EXOC2: variants seen among roughly 807,000 people sequenced by gnomAD.
EXOC2 encodes the protein SEC5-like 1.
In EXOC2, 70 loss-of-function variants were observed where a neutral mutation model predicts 131.8. That is an observed-to-expected ratio of 0.53 (90% CI 0.44 to 0.65). The LOEUF is 0.65. EXOC2 is among the 30% of genes least tolerant of loss of function. The pLI is 0.00. For synonymous variants in EXOC2, 411 were observed against 398.4 expected (o/e 1.03, Z -0.38); for missense variants, 923 against 1,108.6 (o/e 0.83, Z 2.38).
At chr6:688,087 T>C (rs972332375) in intron 1 of EXOC2, among the ~76,000 whole-genome samples, 1 of 152,194 alleles carries the variant, frequency 6.6e-6, no homozygotes, top group Admixed American at 6.5e-5. Context: ...GAGGAACAGT[T>C]TTTGGCAGGA....
chr6:656,096 C>T, intron 1 of EXOC2: 1 of 1,569,016 alleles, frequency 6.4e-7, no homozygotes, highest in Non-Finnish European at 8.7e-7. Flanking sequence ...AAAATCTAAG[C>T]TGGCTGAATT....
At chr6:509,388 C>CA (rs1346578311) in intron 23 of EXOC2, among the ~76,000 whole-genome samples, 1 of 152,216 alleles carries the variant, frequency 6.6e-6, no homozygotes, top group Non-Finnish European at 1.5e-5. Flanking sequence ...GCCAACCTAT[C>CA]ATGCAAAAGG....
chr6:540,803 A>T (rs1385007071), intron 22 of EXOC2, among the ~76,000 whole-genome samples: 4 of 152,236 alleles, frequency 2.6e-5, no homozygotes, highest in Admixed American at 2.0e-4. Context: ...CATCAACCAG[A>T]GCCAAGGGAA....
At chr6:594,040 C>T (rs1431578720) in intron 10 of EXOC2, among the ~76,000 whole-genome samples, 2 of 152,210 alleles carry the variant, frequency 1.3e-5, no homozygotes, top group Admixed American at 6.5e-5. Context: ...CTGCCATCTC[C>T]TCCCCCTTGT....
intron 1 of EXOC2, chr6:656,261 T>C (rs956943114): frequency 1.9e-6 from 3 of 1,614,206 alleles, no homozygotes; most frequent in Non-Finnish European, 2.5e-6. Flanking sequence ...CCACCCGCAC[T>C]TGCACCATGC....
At chr6:568,345 C>A (rs1206661890) in intron 13 of EXOC2, among the ~76,000 whole-genome samples, 3 of 152,246 alleles carry the variant, frequency 2.0e-5, no homozygotes, top group African/African-American at 7.2e-5. Flanking sequence ...CAAGCTGGGA[C>A]ACTGTGGGCT....
Position 637,771 on chromosome 6 carries a change from A to G in EXOC2, c.48T>C (p.Asn16=), listed in dbSNP as rs756790588. 7 of 1,613,878 alleles carry G rather than the reference A, an allele frequency of 4.3e-6. No individual in the cohort carries two copies. In the South Asian group the frequency reaches 6.6e-5, roughly 15 times the overall value. Residue 16 remains asparagine (N), a synonymous_variant, in exon 2 of 28, where the codon AAT becomes AAC. Coordinates refer to ENST00000230449, the MANE Select transcript of EXOC2 (RefSeq NM_018303.6). ...QPPLVTGISP[N]EGIPWTKVTI... is the part of the protein sequence containing the mutation. ...TGACCTTCGTCCATGGTATCCCTTC[A>G]TTTGGAGAGATGCCGGTCACAAGGG...
At chr6:487,170 G>A (rs954173345) in intron 27 of EXOC2, among the ~76,000 whole-genome samples, 2 of 152,146 alleles carry the variant, frequency 1.3e-5, no homozygotes, top group Admixed American at 6.5e-5. Context: ...ACGTGGCATG[G>A]CTGCACCCTT....
intron 1 of EXOC2, among the ~76,000 whole-genome samples, chr6:685,915 G>A (rs1241902983): frequency 7.8e-5 from 10 of 127,558 alleles, no homozygotes; most frequent in Middle Eastern, 5.1e-3. Context: ...TTGCTCTGTC[G>A]CCAGGTTGGA....
intron 17 of EXOC2, among the ~76,000 whole-genome samples, chr6:557,802 C>T (rs1433954961): frequency 2.6e-5 from 4 of 151,910 alleles, no homozygotes; most frequent in Non-Finnish European, 5.9e-5. Flanking sequence ...TCTCAGAGGA[C>T]GACAGTGTAC....
chr6:609,120 CTTCT>C, intron 7 of EXOC2, among the ~76,000 whole-genome samples: 1 of 152,318 alleles, frequency 6.6e-6, no homozygotes, highest in African/African-American at 2.4e-5. Context: ...CAAGAGAACA[CTTCT>C]TTCTAGAAAA....
At chr6:517,047 C>A (rs1765199029) in intron 23 of EXOC2, among the ~76,000 whole-genome samples, 1 of 152,182 alleles carries the variant, frequency 6.6e-6, no homozygotes, top group South Asian at 2.1e-4. Context: ...ATGACTGATG[C>A]TGCCACAGCC....
intron 24 of EXOC2, among the ~76,000 whole-genome samples, chr6:499,150 C>T (rs1251341972): frequency 6.6e-6 from 1 of 152,176 alleles, no homozygotes; most frequent in African/African-American, 2.4e-5. Flanking sequence ...AAGTCAACCA[C>T]GGACAGGAAA....
At position 648,959 on chromosome 6, in the gene EXOC2, C is replaced by T. The variant is rs544795791; in HGVS notation, c.-43-11098G>A. On this transcript the variant is annotated intron_variant, in intron 1 of 27. Coordinates refer to ENST00000230449, the MANE Select transcript of EXOC2 (RefSeq NM_018303.6). ...AACTCCTAGGCTCAAGCAATCTGCC[C>T]GCTTCCGCCTCCCAACGTGCTGGGA... Among the ~76,000 whole-genome samples the T allele has an allele frequency of 9.9e-5, 15 of 151,984 alleles. No homozygotes were observed. The South Asian group carries it at 3.1e-3, about 32-fold the overall frequency.
At chr6:622,387 G>A (rs1022234065) in intron 4 of EXOC2, among the ~76,000 whole-genome samples, 6 of 152,168 alleles carry the variant, frequency 3.9e-5, no homozygotes, top group African/African-American at 9.7e-5. Context: ...AAAAAGAAAC[G>A]AAAGAAGGCT....
At chr6:589,309 A>G (rs1225475044) in intron 11 of EXOC2, among the ~76,000 whole-genome samples, 1 of 149,808 alleles carries the variant, frequency 6.7e-6, no homozygotes, top group East Asian at 2.0e-4. Context: ...ATGCCGATCC[A>G]GAGAACTGAC....
intron 23 of EXOC2, among the ~76,000 whole-genome samples, chr6:510,831 T>A (rs187191995): frequency 5.8e-4 from 89 of 152,332 alleles, no homozygotes; most frequent in African/African-American, 1.9e-3. Flanking sequence ...GTCAGAAATT[T>A]TTTTTTCATT....
At chr6:648,900 T>C (rs978168485) in intron 1 of EXOC2, among the ~76,000 whole-genome samples, 1 of 148,552 alleles carries the variant, frequency 6.7e-6, no homozygotes, top group South Asian at 2.1e-4. Flanking sequence ...TTTTGTTATA[T>C]TTTTTTTTTA....
Position 536,604 on chromosome 6 carries a change from G to T in EXOC2, c.2239-3994C>A, listed in dbSNP as rs141261825. On this transcript the variant is annotated intron_variant, in intron 22 of 27. Coordinates refer to ENST00000230449, the MANE Select transcript of EXOC2 (RefSeq NM_018303.6). The stretch of plus-strand genomic sequence containing the variant: ...TAAAATAGCCCAAACAATTTAAAAA[G>T]AACAAAGTTGGAAGACTCATACTAC... 4.4e-3 allele frequency among the ~76,000 whole-genome samples: 676 copies of T among 152,086 alleles called. 5 individuals carry two copies. The highest frequency in any genetic ancestry group is 0.015 in the African/African-American group (622 of 41,514).
Sources: gnomAD v4.1 joint callset for allele counts (sites outside exome capture counted in the v4.1 genomes callset) on GRCh38, gnomAD v4.1.1 for gene constraint, MANE v1.5 for transcripts, NCBI Gene and HGNC (gene_info 2026-07-23, HGNC 2026-07-21) for gene names.